The following TRIM44 variants were observed in gnomAD, a reference collection of about 807,000 sequenced individuals.
TRIM44 encodes the protein tripartite motif containing 44.
A neutral mutation model predicts 37.4 loss-of-function variants in TRIM44; 13 were observed. The ratio of observed to expected loss-of-function variants is 0.35; its 90% CI spans 0.23 to 0.55. The LOEUF (loss-of-function observed/expected upper bound fraction) is 0.55. Among genes scored for constraint, TRIM44 ranks in the 20% least tolerant of loss-of-function variants. The probability of loss-of-function intolerance (pLI) is 0.89; values close to 1 mark genes in which losing one functional copy is unlikely to be tolerated. For missense variants in TRIM44, 426 were observed against 437.2 expected, an observed-to-expected ratio of 0.97 and a Z score of 0.23; for synonymous variants, 175 against 157.2, an observed-to-expected ratio of 1.11 and a Z score of -0.85.
At chr11:35,663,839 A>G in intron 1 of TRIM44, 59 bp downstream of exon 1, 2 of 1,534,302 alleles carry the variant, frequency 1.3e-6, no homozygotes, top group South Asian at 2.6e-5. Flanking sequence ...GTTTCAACTC[A>G]GGTGGCCTGG....
intron 2 of TRIM44, among the ~76,000 whole-genome samples, chr11:35,722,762 T>C (rs1455996362): frequency 6.6e-6 from 1 of 152,228 alleles, no homozygotes; most frequent in Non-Finnish European, 1.5e-5. Context: ...TATCTCATCC[T>C]AAGAATGCCT....
At chr11:35,715,451 C>T (rs1056651142) in intron 2 of TRIM44, among the ~76,000 whole-genome samples, 3 of 151,032 alleles carry the variant, frequency 2.0e-5, no homozygotes, top group Non-Finnish European at 3.0e-5. Context: ...TGGGTGTACA[C>T]AAGGACATGT....
In TRIM44 at chr11:35,736,122, T is replaced by C. The variant is rs56996482; in HGVS notation, c.1007+677T>C. On this transcript the variant is annotated intron_variant, in intron 4 of 4. Transcript: ENST00000299413. The stretch of plus-strand genomic sequence containing the variant: ...CATCAACACAATTGAGGAATATTTG[T>C]ACAAAGTAAAAGGCAATGTCCAGAT... Among the ~76,000 whole-genome samples the C allele has an allele frequency of 9.4e-3, 1,436 of 152,262 alleles. 28 individuals are homozygous for C. Among genetic ancestry groups the C allele is most frequent in the African/African-American group, 0.033 (1,354 of 41,558 alleles).
chr11:35,785,468 A>G (rs1312711828), intron 4 of TRIM44, among the ~76,000 whole-genome samples: 1 of 152,264 alleles, frequency 6.6e-6, no homozygotes, highest in Non-Finnish European at 1.5e-5. Context: ...ACAGAGCACA[A>G]AAGACAGATG....
intron 4 of TRIM44, among the ~76,000 whole-genome samples, chr11:35,780,214 A>T (rs1434356204): frequency 6.6e-6 from 1 of 152,212 alleles, no homozygotes; most frequent in African/African-American, 2.4e-5. Flanking sequence ...TGGCAGAATC[A>T]GCACCCAGAG....
At chr11:35,783,042 G>A (rs1853085788) in intron 4 of TRIM44, among the ~76,000 whole-genome samples, 1 of 152,188 alleles carries the variant, frequency 6.6e-6, no homozygotes, top group Non-Finnish European at 1.5e-5. Context: ...CATATTGGTT[G>A]TAGGTATGCT....
intron 2 of TRIM44, among the ~76,000 whole-genome samples, chr11:35,713,892 T>C (rs1852007939): frequency 6.6e-6 from 1 of 152,176 alleles, no homozygotes; most frequent in Non-Finnish European, 1.5e-5. Context: ...TCCTGTGCTT[T>C]CTGTACTTTG....
At chr11:35,772,729 A>G (rs997615616) in intron 4 of TRIM44, among the ~76,000 whole-genome samples, 1 of 152,162 alleles carries the variant, frequency 6.6e-6, no homozygotes. Context: ...CATTGTATCT[A>G]GGAAGTAACT....
intron 1 of TRIM44, among the ~76,000 whole-genome samples, chr11:35,678,465 G>A (rs965780908): frequency 1.3e-5 from 2 of 152,134 alleles, no homozygotes; most frequent in African/African-American, 4.8e-5. Flanking sequence ...GTTAGAAAAT[G>A]AAGTAATATA....
Position 35,662,945 on chromosome 11 carries a change from G to C in TRIM44, c.-167G>C. 2.5e-6 allele frequency: 3 copies of C among 1,205,238 alleles called. No individual in the cohort carries two copies. Among genetic ancestry groups the C allele is most frequent in the Non-Finnish European group, 3.2e-6 (3 of 925,324 alleles). 74.7% of individuals were successfully genotyped at this position (1,205,238 alleles called of 1,614,324 possible). A position where few individuals can be genotyped will look rare whatever the true frequency, so the allele number is the denominator to read the frequency against. On this transcript the variant is annotated 5_prime_UTR_variant, in exon 1 of 5. Transcript: ENST00000299413. ...GGAAAGGGTCTTTGCTGCTGCGCCC[G>C]GGCAGGGGCTGCCGCGGCCCCAGGT...
rs551843876 is a variant in TRIM44 at position 35,791,486 on chromosome 11, T to C, written c.1008-14872T>C. Among the ~76,000 whole-genome samples, 285 of 152,110 alleles carry C rather than the reference T, an allele frequency of 1.9e-3. 2 individuals carry two copies. Among genetic ancestry groups the C allele is most frequent in the African/African-American group, 6.6e-3 (274 of 41,498 alleles). On this transcript the variant is annotated intron_variant, in intron 4 of 4. Transcript: ENST00000299413. ...TCTTTCCCATCTACACCCCCCGCCC[T>C]GACATTTTCTTAGGAGACACTTCAA...
chr11:35,800,208 G>A (rs1465350899), intron 4 of TRIM44, among the ~76,000 whole-genome samples: 1 of 152,182 alleles, frequency 6.6e-6, no homozygotes, highest in Admixed American at 6.5e-5. Context: ...CTGACTTCAG[G>A]AATGAAGCCA....
Position 35,814,175 on chromosome 11 carries a change from GT to G in TRIM44, c.*7792del, listed in dbSNP as rs1853556043. On this transcript the variant is annotated 3_prime_UTR_variant, in exon 5 of 5. Transcript: ENST00000299413. ...AACTGGACCTCAGCGCAAGTTGAGTGTTACACAATTTAACCTGTAATAACAG... is the reference window on the plus strand; with the variant it reads ...AACTGGACCTCAGCGCAAGTTGAGTGTACACAATTTAACCTGTAATAACAG... The G allele has an allele frequency of 6.6e-6, 1 of 152,190 alleles. No homozygotes were observed. The highest frequency in any genetic ancestry group is 1.5e-5 in the Non-Finnish European group (1 of 68,038). 9.4% of individuals were successfully genotyped at this position (152,190 alleles called of 1,614,324 possible). A position where few individuals can be genotyped will look rare whatever the true frequency, so the allele number is the denominator to read the frequency against.
intron 4 of TRIM44, among the ~76,000 whole-genome samples, chr11:35,741,858 T>C (rs1041420922): frequency 6.6e-6 from 1 of 152,208 alleles, no homozygotes; most frequent in Non-Finnish European, 1.5e-5. Context: ...ACTAAGACTT[T>C]GTTCCTGCAT....
At chr11:35,712,762 C>G (rs1420887291) in intron 2 of TRIM44, among the ~76,000 whole-genome samples, 1 of 152,140 alleles carries the variant, frequency 6.6e-6, no homozygotes, top group African/African-American at 2.4e-5. Flanking sequence ...CAGGACTCCC[C>G]CATAGCAGCC....
In TRIM44 at chr11:35,816,010, C is replaced by A. The variant is rs1186811454; in HGVS notation, c.*9625C>A. 1 of 152,212 alleles carries A rather than the reference C, an allele frequency of 6.6e-6. No homozygotes were observed. Among genetic ancestry groups the A allele is most frequent in the East Asian group, 1.9e-4 (1 of 5,198 alleles). The allele number at this position is 152,212 out of a possible 1,614,324, so 9.4% of individuals were successfully genotyped here. A position where few individuals can be genotyped will look rare whatever the true frequency, so the allele number is the denominator to read the frequency against. Reference sequence around the variant, plus strand: ...TCAGACCTGGCCCATTGTCAAATGGCAGACTTGCAGAGCAAATAAGGGACC... The same window carrying A: ...TCAGACCTGGCCCATTGTCAAATGGAAGACTTGCAGAGCAAATAAGGGACC... On this transcript the variant is annotated 3_prime_UTR_variant, in exon 5 of 5. Transcript: ENST00000299413.
chr11:35,671,517 G>A (rs1487630364), intron 1 of TRIM44, among the ~76,000 whole-genome samples: 2 of 152,180 alleles, frequency 1.3e-5, no homozygotes, highest in African/African-American at 4.8e-5. Flanking sequence ...GAATTGAGAG[G>A]AATTTGTACA....
chr11:35,797,723 C>A (rs1853311661), intron 4 of TRIM44, among the ~76,000 whole-genome samples: 1 of 152,168 alleles, frequency 6.6e-6, no homozygotes, highest in Non-Finnish European at 1.5e-5. Flanking sequence ...TCAAAACCGT[C>A]CTCACCATCA....
chr11:35,678,524 A>C (rs966390071), intron 1 of TRIM44, among the ~76,000 whole-genome samples: 3 of 152,140 alleles, frequency 2.0e-5, no homozygotes, highest in African/African-American at 7.2e-5. Context: ...ACTAAAATTT[A>C]ATTTCATTTC....
Sources: gnomAD v4.1 joint callset for allele counts (sites outside exome capture counted in the v4.1 genomes callset) on GRCh38, gnomAD v4.1.1 for gene constraint, MANE v1.5 for transcripts, NCBI Gene and HGNC (gene_info 2026-07-23, HGNC 2026-07-21) for gene names.